The following RERE variants were observed in gnomAD, a reference collection of about 807,000 sequenced individuals.
RERE encodes the protein arginine-glutamic acid dipeptide repeats protein.
RERE carries 40 observed loss-of-function variants against 146.1 expected under a neutral mutation model. That is an observed-to-expected ratio of 0.27 (90% CI 0.21 to 0.36). RERE has a LOEUF of 0.36. Ranked by LOEUF, RERE falls within the 10% of genes least tolerant of loss-of-function variation. RERE has a pLI of 1.00. For synonymous variants in RERE, 1,003 were observed against 866.0 expected (o/e 1.16, Z -2.78); for missense variants, 1,933 against 2,138.7 (o/e 0.90, Z 1.90).
At chr1:8,488,449 T>C (rs12753546) in intron 10 of RERE, among the ~76,000 whole-genome samples, 20,824 of 152,128 alleles carry the variant, frequency 0.14, 1,996 homozygotes, top group Non-Finnish European at 0.2. Flanking sequence ...TTTCACCATG[T>C]TGGCCAGGCT....
At chr1:8,771,909 CAAAAA>C (rs768264978) in intron 1 of RERE, among the ~76,000 whole-genome samples, 2 of 59,440 alleles carry the variant, frequency 3.4e-5, no homozygotes, top group Admixed American at 1.7e-4. Context: ...GACTCTGTCT[CAAAAA>C]AAAAAAAAAA....
At chr1:8,561,477 T>G (rs759075984) in intron 4 of RERE, among the ~76,000 whole-genome samples, 18 of 149,826 alleles carry the variant, frequency 1.2e-4, no homozygotes, top group Admixed American at 2.6e-4. Flanking sequence ...AGTCTGCAAC[T>G]GCTAGTTGCA....
chr1:8,409,980 T>G (rs966712148), intron 12 of RERE, among the ~76,000 whole-genome samples: 2 of 148,448 alleles, frequency 1.3e-5, no homozygotes, highest in Non-Finnish European at 3.0e-5. Context: ...AATTTTTTTT[T>G]TTTTTTTTTT....
chr1:8,711,921 T>A (rs999436529), intron 1 of RERE, among the ~76,000 whole-genome samples: 6 of 152,164 alleles, frequency 3.9e-5, no homozygotes, highest in African/African-American at 1.4e-4. Context: ...CGCCAATAAA[T>A]GAAAATACTT....
At chr1:8,454,843 C>A (rs1644433548) in intron 11 of RERE, among the ~76,000 whole-genome samples, 1 of 151,460 alleles carries the variant, frequency 6.6e-6, no homozygotes, top group Admixed American at 6.6e-5. Flanking sequence ...AAAACCCCCA[C>A]AAAACTGAAG....
chr1:8,683,029 A>AC (rs1420012111), intron 1 of RERE, among the ~76,000 whole-genome samples: 3 of 83,542 alleles, frequency 3.6e-5, no homozygotes, highest in Non-Finnish European at 6.9e-5. Flanking sequence ...CACTGTCTTT[A>AC]CCAAAAAAAA....
intron 4 of RERE, among the ~76,000 whole-genome samples, chr1:8,601,810 G>A (rs994297496): frequency 6.7e-6 from 1 of 150,138 alleles, no homozygotes; most frequent in Non-Finnish European, 1.5e-5. Context: ...TTCTATTAGA[G>A]AGAACCGAAG....
At chr1:8,543,986 T>C (rs548390200) in intron 6 of RERE, among the ~76,000 whole-genome samples, 11 of 152,344 alleles carry the variant, frequency 7.2e-5, no homozygotes, top group African/African-American at 1.2e-4. Context: ...GTACCTCTAA[T>C]ACAATGTGGA....
At chr1:8,432,554 A>C (rs544799223) in intron 11 of RERE, among the ~76,000 whole-genome samples, 10 of 152,168 alleles carry the variant, frequency 6.6e-5, no homozygotes, top group South Asian at 2.1e-4. Flanking sequence ...GAAAAACAAC[A>C]ATTCCTGTTT....
chr1:8,651,111 C>A (rs1482831022), intron 2 of RERE, among the ~76,000 whole-genome samples: 1 of 151,680 alleles, frequency 6.6e-6, no homozygotes, highest in East Asian at 1.9e-4. Context: ...AAAAAATCTA[C>A]CATTTAAAAA....
intron 1 of RERE, among the ~76,000 whole-genome samples, chr1:8,665,345 G>A (rs1426652891): frequency 1.3e-5 from 2 of 152,190 alleles, no homozygotes; most frequent in African/African-American, 2.4e-5. Flanking sequence ...ACTGACCCTT[G>A]ACTGTTTTTT....
At position 8,763,938 on chromosome 1, in the gene RERE, T is replaced by TA. The variant is rs70985517; in HGVS notation, c.-145+53221dup. ...CCTGGCAACAGATCAAGACTCCGTC[T>TA]AAAAAAAAAAAAAAAAAGTCCCTCC... is the stretch of plus-strand genomic sequence containing the variant. On this transcript the variant is annotated intron_variant, in intron 1 of 22. Transcript: ENST00000400908. Among the ~76,000 whole-genome samples, 177 of 136,042 alleles carry TA rather than the reference T, an allele frequency of 1.3e-3. No individual in the cohort carries two copies. In the South Asian group the frequency reaches 0.016, roughly 12 times the overall value. The allele number at this position is 136,042 out of a possible 152,430, so 89.2% of individuals were successfully genotyped here.
intron 11 of RERE, among the ~76,000 whole-genome samples, chr1:8,455,242 ATTATTTT>A (rs890076821): frequency 5.9e-5 from 9 of 151,870 alleles, no homozygotes; most frequent in Non-Finnish European, 1.0e-4. Flanking sequence ...TTTTTTTATT[ATTATTTT>A]TTATTTTTTA....
At chr1:8,697,888 T>C (rs1166804870) in intron 1 of RERE, among the ~76,000 whole-genome samples, 1 of 152,194 alleles carries the variant, frequency 6.6e-6, no homozygotes, top group African/African-American at 2.4e-5. Flanking sequence ...AAGTTCATAT[T>C]AGGGAGTAGA....
At chr1:8,678,437 G>A (rs1223841917) in intron 1 of RERE, among the ~76,000 whole-genome samples, 2 of 150,336 alleles carry the variant, frequency 1.3e-5, no homozygotes, top group African/African-American at 4.9e-5. Context: ...GAGGTCAGGA[G>A]ATCAAAACCA....
chr1:8,509,494 G>T (rs1389588390), intron 7 of RERE, among the ~76,000 whole-genome samples: 1 of 152,118 alleles, frequency 6.6e-6, no homozygotes. Context: ...GCCAGGAATT[G>T]TCCTAGGTGT....
At chr1:8,456,149 T>C (rs1049579709) in intron 11 of RERE, among the ~76,000 whole-genome samples, 3 of 152,202 alleles carry the variant, frequency 2.0e-5, no homozygotes, top group Non-Finnish European at 4.4e-5. Context: ...GAGCTGAGTC[T>C]CAAAGCCAGG....
At chr1:8,420,948 GA>G (rs1643901925) in intron 12 of RERE, among the ~76,000 whole-genome samples, 1 of 152,134 alleles carries the variant, frequency 6.6e-6, no homozygotes, top group Admixed American at 6.5e-5. Flanking sequence ...AGAGCAAAAA[GA>G]AAAACATAGT....
chr1:8,737,768 T>C (rs947109551), intron 1 of RERE, among the ~76,000 whole-genome samples: 4 of 152,122 alleles, frequency 2.6e-5, no homozygotes, highest in African/African-American at 9.7e-5. Context: ...AGAGTAAAAC[T>C]CAATGAAGTG....
Sources: gnomAD v4.1 joint callset for allele counts (sites outside exome capture counted in the v4.1 genomes callset) on GRCh38, gnomAD v4.1.1 for gene constraint, MANE v1.5 for transcripts, NCBI Gene and HGNC (gene_info 2026-07-23, HGNC 2026-07-21) for gene names.